SDK1: variants seen among roughly 807,000 people sequenced by gnomAD.
SDK1 encodes protein sidekick-1.
A neutral mutation model predicts 245.5 loss-of-function variants in SDK1; 157 were observed. The observed-to-expected ratio is 0.64, with a 90% confidence interval of 0.56 to 0.73. The LOEUF is 0.73. Ranked by LOEUF, SDK1 falls within the 30% of genes least tolerant of loss-of-function variation. The pLI, the probability that SDK1 is intolerant of heterozygous loss-of-function variation, is 0.00. For synonymous variants in SDK1, 1,647 were observed against 1,278.5 expected (o/e 1.29, Z -6.15); for missense variants, 3,583 against 3,002.3 (o/e 1.19, Z -4.52).
At chr7:3,413,421 G>A (rs1779268775) in intron 1 of SDK1, among the ~76,000 whole-genome samples, 3 of 152,150 alleles carry the variant, frequency 2.0e-5, no homozygotes, top group Admixed American at 6.5e-5. Flanking sequence ...GGAGCCAGGT[G>A]CAGTGGCTCA....
chr7:4,215,850 C>G (rs1784767598), intron 38 of SDK1, among the ~76,000 whole-genome samples: 1 of 152,202 alleles, frequency 6.6e-6, no homozygotes, highest in South Asian at 2.1e-4. Context: ...CCCCCCTGCC[C>G]TGCTCCACTC....
At chr7:4,115,714 C>G (rs898873757) in intron 25 of SDK1, among the ~76,000 whole-genome samples, 2 of 152,202 alleles carry the variant, frequency 1.3e-5, no homozygotes, top group Non-Finnish European at 2.9e-5. Context: ...CTCGGAAATG[C>G]CCCGGATCTG....
chr7:4,170,031 G>T (rs967936056), intron 32 of SDK1, among the ~76,000 whole-genome samples: 2 of 152,204 alleles, frequency 1.3e-5, no homozygotes, highest in Non-Finnish European at 2.9e-5. Flanking sequence ...CCTCTCTTCA[G>T]TCTCACATAC....
At position 3,390,063 on chromosome 7, in the gene SDK1, A is replaced by G. The variant is rs1444784576; in HGVS notation, c.298+88179A>G. ...AATTGTGTCTTAGAGCTCTACGGAAAGCAGAATTTGTAAGTGATGAAGTTG... is the reference window on the plus strand; with the variant it reads ...AATTGTGTCTTAGAGCTCTACGGAAGGCAGAATTTGTAAGTGATGAAGTTG... On this transcript the variant is annotated intron_variant, in intron 1 of 44. Coordinates refer to ENST00000404826, the MANE Select transcript of SDK1 (RefSeq NM_152744.4). Among the ~76,000 whole-genome samples, 6 of 152,170 alleles carry G rather than the reference A, an allele frequency of 3.9e-5. No homozygotes were observed. The East Asian group carries it at 1.2e-3, about 29-fold the overall frequency.
intron 1 of SDK1, among the ~76,000 whole-genome samples, chr7:3,366,663 CTT>C (rs1381114859): frequency 2.0e-5 from 3 of 152,190 alleles, no homozygotes; most frequent in Non-Finnish European, 4.4e-5. Context: ...CATTTAAAGA[CTT>C]TTGTCTTTTT....
At chr7:4,121,961 T>C (rs1456787060) in intron 25 of SDK1, among the ~76,000 whole-genome samples, 1 of 152,206 alleles carries the variant, frequency 6.6e-6, no homozygotes, top group Non-Finnish European at 1.5e-5. Flanking sequence ...GTTATTGATC[T>C]TCATTTCAAG....
intron 5 of SDK1, among the ~76,000 whole-genome samples, chr7:3,926,896 AG>A (rs1779790863): frequency 6.6e-6 from 1 of 152,224 alleles, no homozygotes; most frequent in Non-Finnish European, 1.5e-5. Context: ...TTTAGGGGCA[AG>A]GGTAGGCAGA....
Position 3,949,950 on chromosome 7 carries a change from G to T in SDK1, c.848-973G>T, listed in dbSNP as rs1204638990. 2.6e-5 allele frequency among the ~76,000 whole-genome samples: 4 copies of T among 152,344 alleles called. No individual in the cohort carries two copies. In the East Asian group the frequency reaches 7.7e-4, roughly 29 times the overall value. On this transcript the variant is annotated intron_variant, in intron 5 of 44. Transcript: ENST00000404826. ...GAGTAAGAATGCCCACTGCTTTCCA[G>T]TGACACCCATGCCTAACGTAGTGGC...
Position 3,513,461 on chromosome 7 carries a change from T to A in SDK1, c.299-105619T>A, listed in dbSNP as rs182600076. 1.1e-3 allele frequency among the ~76,000 whole-genome samples: 173 copies of A among 152,128 alleles called. 1 individual carries two copies. Among genetic ancestry groups the A allele is most frequent in the Admixed American group, 5.5e-3 (84 of 15,284 alleles). The stretch of plus-strand genomic sequence containing the variant: ...ATATTTATCAACTTTTTGGATGATG[T>A]TTTTAAATTTCAGTGCAATAGAAGA... On this transcript the variant is annotated intron_variant, in intron 1 of 44. Coordinates refer to ENST00000404826, the MANE Select transcript of SDK1 (RefSeq NM_152744.4).
chr7:4,206,576 G>A (rs936622027), intron 36 of SDK1, among the ~76,000 whole-genome samples: 30 of 152,186 alleles, frequency 2.0e-4, no homozygotes, highest in African/African-American at 7.0e-4. Context: ...CTAGAGATGG[G>A]GAGAAAGGAA....
intron 4 of SDK1, among the ~76,000 whole-genome samples, chr7:3,685,409 A>T (rs188369554): frequency 2.0e-3 from 305 of 152,332 alleles, no homozygotes; most frequent in Admixed American, 5.5e-3. Context: ...TTCCTAAATG[A>T]CAGAAAGGTA....
chr7:3,933,212 G>C (rs1192515714), intron 5 of SDK1, among the ~76,000 whole-genome samples: 1 of 141,424 alleles, frequency 7.1e-6, no homozygotes, highest in East Asian at 2.0e-4. Context: ...CTGGGCTCAA[G>C]TGATCCTCCT....
At chr7:4,178,434 A>C in intron 34 of SDK1, 51 bp from the exon 35 acceptor site, 2 of 1,356,476 alleles carry the variant, frequency 1.5e-6, no homozygotes, top group Non-Finnish European at 2.1e-6. Context: ...CTTTGGAGAA[A>C]GAGAAGGTGG....
intron 1 of SDK1, among the ~76,000 whole-genome samples, chr7:3,319,856 C>G (rs1779753498): frequency 9.4e-6 from 1 of 106,012 alleles, no homozygotes; most frequent in East Asian, 2.4e-4. Context: ...TTCCATTTGC[C>G]TATATCTAAC....
intron 28 of SDK1, among the ~76,000 whole-genome samples, chr7:4,134,333 A>G (rs1778902896): frequency 6.6e-6 from 1 of 152,178 alleles, no homozygotes. Flanking sequence ...CTTGGAGGTG[A>G]GCATTTCAGG....
At chr7:3,632,091 A>G (rs1433227802) in intron 2 of SDK1, among the ~76,000 whole-genome samples, 1 of 152,204 alleles carries the variant, frequency 6.6e-6, no homozygotes, top group Non-Finnish European at 1.5e-5. Context: ...GACATGCAAT[A>G]AAAGATTTTT....
intron 1 of SDK1, among the ~76,000 whole-genome samples, chr7:3,578,124 C>A (rs141525803): frequency 6.6e-6 from 1 of 151,966 alleles, no homozygotes; most frequent in Admixed American, 6.6e-5. Context: ...CCCAATATTT[C>A]AACATAGGTT....
intron 37 of SDK1, 36 bp from the exon 38 acceptor site, chr7:4,209,989 C>A: frequency 2.6e-6 from 4 of 1,516,260 alleles, no homozygotes; most frequent in Admixed American, 2.2e-5. Context: ...TATGTAGGAG[C>A]CCCTGTAAAA....
chr7:3,995,450 C>T (rs1343734275), intron 14 of SDK1, among the ~76,000 whole-genome samples: 1 of 151,870 alleles, frequency 6.6e-6, no homozygotes, highest in Admixed American at 6.6e-5. Flanking sequence ...CTTGCGTTGT[C>T]CCCATCCCCT....
Sources: allele counts gnomAD v4.1 joint callset (sites outside exome capture counted in the v4.1 genomes callset), GRCh38; gene constraint gnomAD v4.1.1; transcripts MANE v1.5; gene names NCBI Gene and HGNC (gene_info 2026-07-23, HGNC 2026-07-21).